Variants in PPP2R5C observed in about 807,000 individuals in gnomAD.
The protein encoded by PPP2R5C is serine/threonine-protein phosphatase 2A 56 kDa regulatory subunit gamma isoform.
A neutral mutation model predicts 68.9 loss-of-function variants in PPP2R5C; 7 were observed. The ratio of observed to expected loss-of-function variants is 0.10; its 90% CI spans 0.06 to 0.19. The LOEUF (loss-of-function observed/expected upper bound fraction) is 0.19, where lower values mean the gene tolerates loss of function less well. Ranked by LOEUF, PPP2R5C falls within the 10% of genes least tolerant of loss-of-function variation. The pLI, the probability that PPP2R5C is intolerant of heterozygous loss-of-function variation, is 1.00. For missense variants in PPP2R5C, 348 were observed against 641.3 expected, an observed-to-expected ratio of 0.54 and a Z score of 4.94; for synonymous variants, 210 against 222.2, an observed-to-expected ratio of 0.95 and a Z score of 0.49.
chr14:101,848,973 T>A (rs892995119), intron 1 of PPP2R5C, among the ~76,000 whole-genome samples: 11 of 152,224 alleles, frequency 7.2e-5, no homozygotes, highest in Non-Finnish European at 1.3e-4. Flanking sequence ...AAGTCTTTTA[T>A]AGTTTTAGGG....
At position 101,776,963 on chromosome 14, in the gene PPP2R5C, C is replaced by G. The variant is rs570562567; in HGVS notation, c.94-9055C>G. On this transcript the variant is annotated intron_variant, in intron 2 of 14. Transcript: ENST00000328724. ...TGGCGTGATCTCGGCTCACTGCAACCTCCACCTCCCGGGTTCAAGCAATTC... is the reference window on the plus strand; with the variant it reads ...TGGCGTGATCTCGGCTCACTGCAACGTCCACCTCCCGGGTTCAAGCAATTC... Among the ~76,000 whole-genome samples the G allele has an allele frequency of 7.9e-5, 12 of 151,320 alleles. No homozygotes were observed. The East Asian group carries it at 2.1e-3, about 27-fold the overall frequency.
At chr14:101,872,458 A>T (rs2043488264) in intron 2 of PPP2R5C, among the ~76,000 whole-genome samples, 1 of 151,942 alleles carries the variant, frequency 6.6e-6, no homozygotes, top group African/African-American at 2.4e-5. Flanking sequence ...AGCTGGTCTC[A>T]AACTCCTGGG....
chr14:101,858,515 G>GT (rs113313348), intron 2 of PPP2R5C, among the ~76,000 whole-genome samples: 8,791 of 148,324 alleles, frequency 0.059, 340 homozygotes, highest in South Asian at 0.1. Flanking sequence ...TTTGTTTTTT[G>GT]TTTTTTTTTA....
chr14:101,761,143 G>T (rs906258733), upstream of PPP2R5C, among the ~76,000 whole-genome samples: 4 of 151,974 alleles, frequency 2.6e-5, no homozygotes, highest in African/African-American at 7.2e-5. Context: ...CCGCTCGCTC[G>T]GTTCCCGGGC....
At chr14:101,863,307 C>CAA (rs34107341) in intron 2 of PPP2R5C, among the ~76,000 whole-genome samples, 19 of 146,484 alleles carry the variant, frequency 1.3e-4, no homozygotes, top group Middle Eastern at 3.5e-3. Flanking sequence ...GACTGCTTCT[C>CAA]AAAAAAAAAA....
chr14:101,784,964 G>T (rs933388798), intron 2 of PPP2R5C, among the ~76,000 whole-genome samples: 20 of 152,180 alleles, frequency 1.3e-4, no homozygotes, highest in Admixed American at 1.1e-3. Context: ...CTCTGTGGAT[G>T]ACAGGGGACC....
rs796841732 is a variant in PPP2R5C at position 101,797,434 on chromosome 14, C to A, written c.259+11251C>A. On this transcript the variant is annotated intron_variant, in intron 3 of 14. Coordinates refer to the PPP2R5C transcript ENST00000328724. The surrounding 1 kb of genome is among the most constrained non-coding windows in gnomAD (Gnocchi z 4.2). ...GCATCTGCCAAGGACCCAGGAAACA[C>A]ACAGTGTGTCTCCTGAAGGAATGAA... 2.2e-4 allele frequency: 86 copies of A among 396,222 alleles called. No individual in the cohort carries two copies. Among genetic ancestry groups the A allele is most frequent in the African/African-American group, 1.6e-3 (79 of 48,972 alleles). The allele number at this position is 396,222 out of a possible 1,614,324, so 24.5% of individuals were successfully genotyped here.
chr14:101,902,258 G>A (rs1014456944), intron 9 of PPP2R5C, among the ~76,000 whole-genome samples: 9 of 152,098 alleles, frequency 5.9e-5, no homozygotes, highest in African/African-American at 1.4e-4. Context: ...TCTTGCTGCC[G>A]AGGCCCTTCG....
intron 8 of PPP2R5C, 25 bp from the exon 11 acceptor site, chr14:101,901,694 A>C (rs946613992): frequency 6.2e-7 from 1 of 1,610,076 alleles, no homozygotes; most frequent in South Asian, 1.1e-5. Flanking sequence ...GGCATCAGTC[A>C]CTCCACGTGT....
Position 101,906,839 on chromosome 14 carries a change from G to A in PPP2R5C, c.1151+310G>A, listed in dbSNP as rs1954775468. 6.6e-6 allele frequency among the ~76,000 whole-genome samples: 1 copy of A among 152,116 alleles called. No individual in the cohort carries two copies. Among genetic ancestry groups the A allele is most frequent in the African/African-American group, 2.4e-5 (1 of 41,428 alleles). On this transcript the variant is annotated intron_variant, in intron 10 of 13. Coordinates refer to ENST00000334743, the Ensembl canonical transcript of PPP2R5C. This position sits in a 1 kb window ranked among gnomAD's most constrained non-coding sequence, Gnocchi z 4.0. ...CTGAAGGTCTCTGCAGAGCCCAGTGGGGCTCAGCCCCGGCGGGGGCACAGT... is the reference window on the plus strand; with the variant it reads ...CTGAAGGTCTCTGCAGAGCCCAGTGAGGCTCAGCCCCGGCGGGGGCACAGT...
chr14:101,909,478 G>C (rs530502907), intron 10 of PPP2R5C, 111 bp from the exon 13 acceptor site: 1 of 633,836 alleles, frequency 1.6e-6, no homozygotes, highest in Non-Finnish European at 2.8e-6. Context: ...TTAGACCTTA[G>C]GGATCCTGTG....
intron 3 of PPP2R5C, among the ~76,000 whole-genome samples, chr14:101,794,000 T>C (rs2038492170): frequency 6.6e-6 from 1 of 152,176 alleles, no homozygotes; most frequent in African/African-American, 2.4e-5. Flanking sequence ...CTCTTCTCTC[T>C]ACCAGCTGAG....
At chr14:101,883,337 G>T in exon 4 of PPP2R5C, 1 of 1,603,148 alleles carries the variant, frequency 6.2e-7, no homozygotes, top group Non-Finnish European at 8.5e-7. Context: ...TTGATCAGAA[G>T]TTTGTATTGC....
At chr14:101,779,007 C>T (rs1471233089) in intron 2 of PPP2R5C, among the ~76,000 whole-genome samples, 2 of 152,188 alleles carry the variant, frequency 1.3e-5, no homozygotes, top group African/African-American at 4.8e-5. Flanking sequence ...TTGCAGTGAG[C>T]TGTGGTTGTG....
chr14:101,889,722 G>A, intron 5 of PPP2R5C: 1 of 304,254 alleles, frequency 3.3e-6, no homozygotes, highest in Non-Finnish European at 6.3e-6. Flanking sequence ...GGTGTCAGTG[G>A]GGAACTGGGC....
chr14:101,910,255 T>G (rs1447679649), intron 11 of PPP2R5C, among the ~76,000 whole-genome samples: 1 of 152,220 alleles, frequency 6.6e-6, no homozygotes, highest in East Asian at 1.9e-4. Context: ...ATAATGTGAT[T>G]AAATAGTTGT....
intron 13 of PPP2R5C, among the ~76,000 whole-genome samples, chr14:101,918,477 GC>G (rs1380069765): frequency 4.1e-5 from 1 of 24,104 alleles, no homozygotes; most frequent in African/African-American, 3.9e-4. Context: ...CGCTCCTCTG[GC>G]CCCCCACCCC....
At chr14:101,854,503 C>T (rs2042309556) in intron 1 of PPP2R5C, among the ~76,000 whole-genome samples, 1 of 152,198 alleles carries the variant, frequency 6.6e-6, no homozygotes, top group Non-Finnish European at 1.5e-5. Context: ...AGTCATACAT[C>T]TTACCTAGGC....
At chr14:101,895,355 G>A (rs567905380) in intron 8 of PPP2R5C, among the ~76,000 whole-genome samples, 2 of 152,064 alleles carry the variant, frequency 1.3e-5, no homozygotes, top group Non-Finnish European at 2.9e-5. Flanking sequence ...TTTTAACCGC[G>A]TTAAATGTAC....
Sources: allele counts gnomAD v4.1 joint callset (sites outside exome capture counted in the v4.1 genomes callset), GRCh38; gene constraint gnomAD v4.1.1; non-coding constraint Gnocchi (gnomAD v3.1); transcripts MANE v1.5; gene names NCBI Gene and HGNC (gene_info 2026-07-23, HGNC 2026-07-21).